Variants in SIK3 observed in about 807,000 individuals in gnomAD.
SIK3 encodes serine/threonine-protein kinase SIK3.
SIK3 carries 28 observed loss-of-function variants against 144.2 expected under a neutral mutation model. The observed-to-expected ratio is 0.19, with a 90% CI of 0.14 to 0.27. The LOEUF (loss-of-function observed/expected upper bound fraction) is 0.27, where lower values mean the gene tolerates loss of function less well. SIK3 is among the 10% of genes least tolerant of loss of function. SIK3 has a pLI of 1.00. For missense variants in SIK3, 1,319 were observed against 1,776.0 expected (o/e 0.74, Z 4.62); for synonymous variants, 686 against 676.3 (o/e 1.01, Z -0.22).
chr11:116,938,259 AGAGAGGAGAGGAGAG>A lies in SIK3; in HGVS notation c.455-10894_455-10880del, dbSNP rs1188897295. On this transcript the variant is annotated intron_variant, in intron 3 of 24. Coordinates refer to ENST00000445177, the MANE Select transcript of SIK3 (RefSeq NM_001366686.3). ...GGAGGGGAAGGGAGAAGAGGGGAGA[AGAGAGGAGAGGAGAG>A]GAGAGGAGAGGAGAGGAGAGGAGAG... Among the ~76,000 whole-genome samples the A allele has an allele frequency of 8.0e-3, 99 of 12,352 alleles. 2 individuals are homozygous for A. Among genetic ancestry groups the A allele is most frequent in the African/African-American group, 0.031 (83 of 2,644 alleles). The allele number at this position is 12,352 out of a possible 152,430, so 8.1% of individuals were successfully genotyped here. A position where few individuals can be genotyped will look rare whatever the true frequency, so the allele number is the denominator to read the frequency against.
At chr11:116,990,415 G>A (rs1406189667) in intron 1 of SIK3, among the ~76,000 whole-genome samples, 4 of 152,274 alleles carry the variant, frequency 2.6e-5, no homozygotes, top group Non-Finnish European at 5.9e-5. Flanking sequence ...CAAAGGTCAG[G>A]AGGCTTACCA....
At chr11:116,992,873 T>C (rs756457372) in intron 1 of SIK3, among the ~76,000 whole-genome samples, 7 of 152,054 alleles carry the variant, frequency 4.6e-5, no homozygotes, top group Non-Finnish European at 1.0e-4. Flanking sequence ...TAGTCCCAGC[T>C]ATTTGGGAGG....
intron 1 of SIK3, among the ~76,000 whole-genome samples, chr11:116,995,622 T>C (rs1221460260): frequency 2.6e-5 from 4 of 152,128 alleles, no homozygotes. Context: ...TTCAGATGTT[T>C]TGGAAGTCCC....
chr11:117,070,319 C>A (rs1225637405), intron 1 of SIK3, among the ~76,000 whole-genome samples: 1 of 152,192 alleles, frequency 6.6e-6, no homozygotes, highest in Non-Finnish European at 1.5e-5. Context: ...GGCATGGTCG[C>A]TACTGCCTGT....
intron 4 of SIK3, among the ~76,000 whole-genome samples, chr11:116,909,273 A>G (rs1327031372): frequency 6.6e-6 from 1 of 152,132 alleles, no homozygotes; most frequent in Non-Finnish European, 1.5e-5. Flanking sequence ...CCCTTGGAGC[A>G]AAACTCCTAA....
chr11:117,034,254 T>C (rs1158928788), intron 1 of SIK3, among the ~76,000 whole-genome samples: 2 of 152,210 alleles, frequency 1.3e-5, no homozygotes, highest in African/African-American at 4.8e-5. Flanking sequence ...CTATATTGAA[T>C]AAACATACTG....
intron 1 of SIK3, among the ~76,000 whole-genome samples, chr11:117,070,980 C>T (rs1326554670): frequency 1.3e-5 from 2 of 152,026 alleles, no homozygotes; most frequent in African/African-American, 4.8e-5. Context: ...CCACCCACGT[C>T]GGCCTCCCAA....
chr11:117,067,402 TAAAG>T (rs1478264314), intron 1 of SIK3, among the ~76,000 whole-genome samples: 1 of 152,072 alleles, frequency 6.6e-6, no homozygotes. Context: ...AAATGAATCT[TAAAG>T]AATGCTGATG....
intron 1 of SIK3, among the ~76,000 whole-genome samples, chr11:116,959,529 G>A (rs1453324861): frequency 6.6e-6 from 1 of 152,132 alleles, no homozygotes; most frequent in Non-Finnish European, 1.5e-5. Context: ...CTAATTGATG[G>A]CATGTACAAT....
chr11:117,010,387 T>C (rs1247124588), intron 1 of SIK3, among the ~76,000 whole-genome samples: 2 of 152,096 alleles, frequency 1.3e-5, no homozygotes, highest in Non-Finnish European at 2.9e-5. Context: ...GTGACAGGTA[T>C]CCCCCATGTG....
At chr11:116,854,680 C>T (rs141691354) in intron 21 of SIK3, among the ~76,000 whole-genome samples, 5 of 152,190 alleles carry the variant, frequency 3.3e-5, no homozygotes, top group African/African-American at 1.2e-4. Context: ...TGAGCTCCCC[C>T]ACTTGCCTGC....
At chr11:117,049,658 G>C (rs1275419458) in intron 1 of SIK3, among the ~76,000 whole-genome samples, 1 of 152,076 alleles carries the variant, frequency 6.6e-6, no homozygotes, top group Non-Finnish European at 1.5e-5. Flanking sequence ...ATTCAAAATA[G>C]AGTTTTAAAA....
intron 3 of SIK3, among the ~76,000 whole-genome samples, chr11:116,953,420 G>GA (rs1384268137): frequency 6.6e-6 from 1 of 151,830 alleles, no homozygotes; most frequent in African/African-American, 2.4e-5. Context: ...ATCACTGTTA[G>GA]AAAAAAAATC....
rs568816804 is a variant in SIK3 at position 116,853,263 on chromosome 11, C to T, written c.3656-3980G>A. On this transcript the variant is annotated intron_variant, in intron 21 of 24. Coordinates refer to ENST00000445177, the MANE Select transcript of SIK3 (RefSeq NM_001366686.3). ...CTTTGTGACACTCTATAAATAAGACCCTATCGACCATTTTGGGGGGTACAA... is the reference window on the plus strand; with the variant it reads ...CTTTGTGACACTCTATAAATAAGACTCTATCGACCATTTTGGGGGGTACAA... 7.2e-4 allele frequency among the ~76,000 whole-genome samples: 110 copies of T among 152,240 alleles called. 1 individual carries two copies. Among genetic ancestry groups the T allele is most frequent in the Middle Eastern group, 3.4e-3 (1 of 294 alleles).
intron 1 of SIK3, among the ~76,000 whole-genome samples, chr11:117,074,182 C>T (rs1954401828): frequency 6.6e-6 from 1 of 152,182 alleles, no homozygotes; most frequent in African/African-American, 2.4e-5. Flanking sequence ...TAGTGCTCTG[C>T]CAGTGCCTAA....
At chr11:117,023,686 CT>C (rs963401734) in intron 1 of SIK3, among the ~76,000 whole-genome samples, 7 of 143,714 alleles carry the variant, frequency 4.9e-5, no homozygotes, top group Non-Finnish European at 7.6e-5. Context: ...TAACTTTTAT[CT>C]TTTTTTTGAC....
At chr11:117,044,001 C>T (rs1029884212) in intron 1 of SIK3, among the ~76,000 whole-genome samples, 1 of 152,112 alleles carries the variant, frequency 6.6e-6, no homozygotes, top group Non-Finnish European at 1.5e-5. Flanking sequence ...TAGTAATGTT[C>T]GTTTTGAGAT....
chr11:117,084,663 A>C (rs1954930518), intron 1 of SIK3, among the ~76,000 whole-genome samples: 1 of 152,306 alleles, frequency 6.6e-6, no homozygotes, highest in African/African-American at 2.4e-5. Context: ...TATGTAATTT[A>C]ATTAAATAGA....
intron 1 of SIK3, among the ~76,000 whole-genome samples, chr11:116,990,500 A>G (rs747366145): frequency 3.3e-5 from 5 of 152,240 alleles, no homozygotes; most frequent in Admixed American, 6.5e-5. Flanking sequence ...CTAATACCTT[A>G]GTATAACAGT....
Sources: allele counts gnomAD v4.1 joint callset (sites outside exome capture counted in the v4.1 genomes callset), GRCh38; gene constraint gnomAD v4.1.1; transcripts MANE v1.5; gene names NCBI Gene and HGNC (gene_info 2026-07-23, HGNC 2026-07-21).